Variants in ACOXL observed in about 807,000 individuals in gnomAD.
The protein encoded by ACOXL is acyl-coenzyme A oxidase-like protein.
In ACOXL, 70 loss-of-function variants were observed where a neutral mutation model predicts 71.9. That is an observed-to-expected ratio of 0.97 (90% CI 0.80 to 1.19). ACOXL has a LOEUF of 1.19. Among genes scored for constraint, ACOXL ranks in the 50% most tolerant of loss-of-function variants. The pLI is 0.00. For missense variants in ACOXL, 703 were observed against 736.3 expected (o/e 0.95, Z 0.52); for synonymous variants, 253 against 281.6 (o/e 0.90, Z 1.02).
rs188137906 is a variant in ACOXL at position 110,779,197 on chromosome 2, T to G, written c.76-5535T>G. Among the ~76,000 whole-genome samples the G allele has an allele frequency of 1.1e-4, 16 of 152,350 alleles. No individual in the cohort carries two copies. In the East Asian group the frequency reaches 3.1e-3, roughly 29 times the overall value. ...CCTGCACTGGGCTTTCCTGGAGTAG[T>G]CAAAGGCCCTTGGAGAGAACAGAAG... On this transcript the variant is annotated intron_variant, in intron 2 of 17. Coordinates refer to ENST00000439055, the MANE Select transcript of ACOXL (RefSeq NM_001142807.4).
At chr2:110,953,594 T>A (rs2061401031) in intron 12 of ACOXL, among the ~76,000 whole-genome samples, 1 of 152,172 alleles carries the variant, frequency 6.6e-6, no homozygotes, top group Non-Finnish European at 1.5e-5. Flanking sequence ...TTGAGAGATG[T>A]GTGCTGAAAT....
intron 17 of ACOXL, among the ~76,000 whole-genome samples, chr2:111,096,902 T>C (rs143428272): frequency 7.9e-4 from 120 of 152,312 alleles, no homozygotes; most frequent in African/African-American, 2.6e-3. Flanking sequence ...GCAATGTTTT[T>C]ACCCTCCCCC....
chr2:111,095,175 C>T (rs2068736008), intron 17 of ACOXL, among the ~76,000 whole-genome samples: 1 of 141,508 alleles, frequency 7.1e-6, no homozygotes, highest in African/African-American at 2.7e-5. Context: ...CTATTTCCCA[C>T]AAAGAGAGTG....
At chr2:110,984,547 GA>G (rs1290849877) in intron 12 of ACOXL, among the ~76,000 whole-genome samples, 1 of 152,160 alleles carries the variant, frequency 6.6e-6, no homozygotes, top group African/African-American at 2.4e-5. Context: ...CCATGACCTA[GA>G]AAAGGAGCAA....
chr2:110,995,889 T>C lies in ACOXL; in HGVS notation c.1170-4T>C. 1 of 1,611,998 alleles carries C rather than the reference T, an allele frequency of 6.2e-7. No individual in the cohort carries two copies. The highest frequency in any genetic ancestry group is 8.5e-7 in the Non-Finnish European group (1 of 1,178,144). The stretch of plus-strand genomic sequence containing the variant: ...TAATGATGGTCACCGTGATTTTCTT[T>C]CAGTTTCCTGGCATTTAACATGGAC... On this transcript the variant is annotated splice_polypyrimidine_tract_variant and splice_region_variant and intron_variant, in intron 13 of 17. Coordinates refer to ENST00000439055, the MANE Select transcript of ACOXL (RefSeq NM_001142807.4).
intron 2 of ACOXL, among the ~76,000 whole-genome samples, chr2:110,771,535 T>C (rs1190122261): frequency 6.6e-6 from 1 of 152,226 alleles, no homozygotes; most frequent in Non-Finnish European, 1.5e-5. Flanking sequence ...CAGGTCTCTA[T>C]GGACAGTCCG....
chr2:111,022,101 C>T (rs2064788239), intron 14 of ACOXL, among the ~76,000 whole-genome samples: 1 of 152,096 alleles, frequency 6.6e-6, no homozygotes, highest in South Asian at 2.1e-4. Context: ...GCCTGTAATC[C>T]CAGCACTTTG....
intron 14 of ACOXL, among the ~76,000 whole-genome samples, chr2:110,996,762 A>G (rs2063414532): frequency 6.6e-6 from 1 of 152,164 alleles, no homozygotes; most frequent in African/African-American, 2.4e-5. Flanking sequence ...TTTCAAGGTC[A>G]TGTCTCCTAG....
At chr2:110,956,162 G>A (rs925510166) in intron 12 of ACOXL, among the ~76,000 whole-genome samples, 1 of 151,896 alleles carries the variant, frequency 6.6e-6, no homozygotes, top group African/African-American at 2.4e-5. Flanking sequence ...TCCTGACCTC[G>A]TGAACCACCC....
intron 10 of ACOXL, among the ~76,000 whole-genome samples, chr2:110,852,498 CAG>C (rs1692740107): frequency 6.6e-6 from 1 of 152,220 alleles, no homozygotes; most frequent in Non-Finnish European, 1.5e-5. Context: ...AAACTAGCCA[CAG>C]AGAGTTCTAA....
chr2:110,753,925 T>G (rs1313634353), intron 1 of ACOXL, among the ~76,000 whole-genome samples: 4 of 152,190 alleles, frequency 2.6e-5, no homozygotes, highest in African/African-American at 4.8e-5. Flanking sequence ...TAGGTGCATA[T>G]TATTATTTCA....
chr2:110,979,397 C>G (rs1003207837), intron 12 of ACOXL, among the ~76,000 whole-genome samples: 1 of 152,160 alleles, frequency 6.6e-6, no homozygotes, highest in African/African-American at 2.4e-5. Flanking sequence ...GAAGACAGCA[C>G]GAGGGAAAAC....
chr2:111,067,553 A>T (rs2067133178), intron 16 of ACOXL, among the ~76,000 whole-genome samples: 1 of 152,254 alleles, frequency 6.6e-6, no homozygotes, highest in Non-Finnish European at 1.5e-5. Context: ...GTGAGAGAAC[A>T]TACTCTGAAG....
chr2:110,789,468 G>C lies in ACOXL; in HGVS notation c.160-4182G>C, dbSNP rs537073926. Among the ~76,000 whole-genome samples, 25 of 152,280 alleles carry C rather than the reference G, an allele frequency of 1.6e-4. 1 individual carries two copies. Among genetic ancestry groups the C allele is most frequent in the Admixed American group, 1.4e-3 (22 of 15,296 alleles). ...AATTTATTTTTCCACCTTTCTGGAG[G>C]CTGTAAAGTCTAAGATCATGGTGCC... is the stretch of plus-strand genomic sequence containing the variant. On this transcript the variant is annotated intron_variant, in intron 3 of 17. Transcript: ENST00000439055.
intron 16 of ACOXL, among the ~76,000 whole-genome samples, chr2:111,086,412 C>T (rs2068208523): frequency 6.6e-6 from 1 of 152,140 alleles, no homozygotes; most frequent in African/African-American, 2.4e-5. Context: ...GTTCAACATA[C>T]ACAAGTTAAT....
chr2:110,734,262 T>TG (rs1156852495), intron 1 of ACOXL, among the ~76,000 whole-genome samples: 1 of 152,150 alleles, frequency 6.6e-6, no homozygotes, highest in Non-Finnish European at 1.5e-5. Context: ...AAAAGCTCTT[T>TG]GGGGACCTCA....
At chr2:110,791,109 C>T (rs1684596894) in intron 3 of ACOXL, among the ~76,000 whole-genome samples, 1 of 152,254 alleles carries the variant, frequency 6.6e-6, no homozygotes, top group African/African-American at 2.4e-5. Flanking sequence ...AGGAGCTCCA[C>T]CTGCATTTGG....
intron 9 of ACOXL, among the ~76,000 whole-genome samples, chr2:110,841,146 A>G (rs11888273): frequency 0.014 from 2,083 of 152,314 alleles, 34 homozygotes; most frequent in East Asian, 0.058. Context: ...ATCCACAACT[A>G]AATATTTTAC....
intron 11 of ACOXL, 107 bp from the exon 12 acceptor site, chr2:110,933,382 C>A: frequency 1.5e-6 from 2 of 1,336,556 alleles, no homozygotes; most frequent in Non-Finnish European, 2.0e-6. Flanking sequence ...TCACTGACAT[C>A]ATATTCTTTC....
Sources: gnomAD v4.1 joint callset for allele counts (sites outside exome capture counted in the v4.1 genomes callset) on GRCh38, gnomAD v4.1.1 for gene constraint, MANE v1.5 for transcripts, NCBI Gene and HGNC (gene_info 2026-07-23, HGNC 2026-07-21) for gene names.